KLF12: variants seen among roughly 807,000 people sequenced by gnomAD.
KLF12 encodes KLF transcription factor 12.
In KLF12, 9 loss-of-function variants were observed where a neutral mutation model predicts 37.8. The ratio of observed to expected loss-of-function variants is 0.24; its 90% CI spans 0.14 to 0.42. The LOEUF (loss-of-function observed/expected upper bound fraction) is 0.42, where lower values mean the gene tolerates loss of function less well. Ranked by LOEUF, KLF12 falls within the 10% of genes least tolerant of loss-of-function variation. The pLI is 1.00. For missense variants in KLF12, 411 were observed against 516.0 expected, an observed-to-expected ratio of 0.80 and a Z score of 1.97; for synonymous variants, 208 against 202.1, an observed-to-expected ratio of 1.03 and a Z score of -0.25.
chr13:73,780,542 C>T (rs984007118), intron 5 of KLF12, among the ~76,000 whole-genome samples: 13 of 151,496 alleles, frequency 8.6e-5, no homozygotes, highest in African/African-American at 2.4e-4. Flanking sequence ...TGCAATGGTG[C>T]GATCTTGGCT....
chr13:74,181,090 C>T, the KLF12 span, among the ~76,000 whole-genome samples: 1 of 152,010 alleles, frequency 6.6e-6, no homozygotes, highest in Non-Finnish European at 1.5e-5. Context: ...CCTCCCTCTC[C>T]CAGGTTCAAG....
chr13:73,851,091 G>T (rs9543476), intron 3 of KLF12, among the ~76,000 whole-genome samples: 99,297 of 152,042 alleles, frequency 0.65, 33,583 homozygotes, highest in Non-Finnish European at 0.75. Context: ...CTCATACAAC[G>T]GTTGTGAAGA....
intron 4 of KLF12, among the ~76,000 whole-genome samples, chr13:73,817,631 G>C (rs1313354928): frequency 6.6e-6 from 1 of 152,166 alleles, no homozygotes; most frequent in African/African-American, 2.4e-5. Context: ...ACTTGACGTG[G>C]AAACAGACCG....
At chr13:73,855,939 G>C (rs145718224) in intron 3 of KLF12, among the ~76,000 whole-genome samples, 1 of 152,332 alleles carries the variant, frequency 6.6e-6, no homozygotes, top group East Asian at 1.9e-4. Context: ...TCCAGGTAAA[G>C]GAGTATACAG....
In KLF12 at chr13:73,723,249, G is replaced by A. The variant is rs184401600; in HGVS notation, c.870-7724C>T. ...AGATATAGAGTATCTATTCAAAATA[G>A]CTACTCTGTGGGGAATGTCCTATGC... On this transcript the variant is annotated intron_variant, in intron 6 of 7. Transcript: ENST00000377669. Among the ~76,000 whole-genome samples, 327 of 152,236 alleles carry A rather than the reference G, an allele frequency of 2.1e-3. 1 individual carries two copies. Among genetic ancestry groups the A allele is most frequent in the Non-Finnish European group, 3.5e-3 (236 of 68,022 alleles).
At chr13:74,179,887 T>C in the KLF12 span, among the ~76,000 whole-genome samples, 3 of 152,188 alleles carry the variant, frequency 2.0e-5, no homozygotes, top group Admixed American at 2.0e-4. Context: ...TTTTGAATGA[T>C]TACATAATTA....
chr13:74,069,988 C>G (rs1874136278), intron 1 of KLF12, among the ~76,000 whole-genome samples: 1 of 152,134 alleles, frequency 6.6e-6, no homozygotes. Context: ...CTGGCCCTCA[C>G]CAGCTAGTGC....
chr13:74,234,501 C>A, the KLF12 span, among the ~76,000 whole-genome samples: 6 of 152,334 alleles, frequency 3.9e-5, no homozygotes, highest in Admixed American at 3.9e-4. Context: ...CTGTATGACA[C>A]ACTGTACCTG....
At chr13:73,963,538 A>T (rs1250386546) in intron 2 of KLF12, among the ~76,000 whole-genome samples, 1 of 152,204 alleles carries the variant, frequency 6.6e-6, no homozygotes, top group Non-Finnish European at 1.5e-5. Context: ...TACTTCCAAC[A>T]ATTAGGACAA....
At chr13:73,709,849 C>G (rs1182097567) in intron 7 of KLF12, among the ~76,000 whole-genome samples, 1 of 152,068 alleles carries the variant, frequency 6.6e-6, no homozygotes, top group Non-Finnish European at 1.5e-5. Flanking sequence ...GAATGGAGGC[C>G]TCTCGGATCA....
At chr13:73,761,015 A>C (rs1879513249) in intron 6 of KLF12, among the ~76,000 whole-genome samples, 2 of 152,128 alleles carry the variant, frequency 1.3e-5, no homozygotes, top group Non-Finnish European at 1.5e-5. Context: ...GACACACCAA[A>C]ATGTAGCTTA....
At chr13:74,080,019 C>G (rs9573348) in intron 1 of KLF12, among the ~76,000 whole-genome samples, 62,989 of 152,114 alleles carry the variant, frequency 0.41, 14,158 homozygotes, top group East Asian at 0.81. Context: ...TAGACACATA[C>G]TATGTACTAT....
At chr13:74,173,997 A>G in the KLF12 span, among the ~76,000 whole-genome samples, 1 of 152,184 alleles carries the variant, frequency 6.6e-6, no homozygotes, top group South Asian at 2.1e-4. Flanking sequence ...CCATGGGCTA[A>G]TAACACAGCC....
chr13:74,074,213 A>C (rs1874436242), intron 1 of KLF12, among the ~76,000 whole-genome samples: 1 of 152,132 alleles, frequency 6.6e-6, no homozygotes, highest in African/African-American at 2.4e-5. Context: ...GCTACTCTGA[A>C]GCACTCTTTT....
chr13:74,137,391 T>G (rs1878592410), upstream of KLF12, among the ~76,000 whole-genome samples: 2 of 152,228 alleles, frequency 1.3e-5, no homozygotes, highest in Non-Finnish European at 2.9e-5. Flanking sequence ...TGATAAAGAA[T>G]GATAACCCAT....
intron 5 of KLF12, among the ~76,000 whole-genome samples, chr13:73,811,551 TCCA>T (rs1882943127): frequency 6.6e-6 from 1 of 152,180 alleles, no homozygotes; most frequent in African/African-American, 2.4e-5. Flanking sequence ...TAATACTAAT[TCCA>T]CCAATAATTG....
the KLF12 span, among the ~76,000 whole-genome samples, chr13:74,148,403 C>CTTTTTTTTTTTTTTTTT: frequency 2.7e-5 from 2 of 73,484 alleles, no homozygotes; most frequent in African/African-American, 1.1e-4. Flanking sequence ...CAAAACTGCT[C>CTTTTTTTTTTTTTTTTT]TTTTTTTTTT....
At chr13:73,951,777 C>T (rs544196623) in intron 2 of KLF12, among the ~76,000 whole-genome samples, 1 of 152,332 alleles carries the variant, frequency 6.6e-6, no homozygotes, top group East Asian at 1.9e-4. Flanking sequence ...CAAAAATGCT[C>T]CTCCCTCCAG....
chr13:74,108,687 C>G (rs1226191207), intron 1 of KLF12, among the ~76,000 whole-genome samples: 1 of 152,032 alleles, frequency 6.6e-6, no homozygotes, highest in Non-Finnish European at 1.5e-5. Context: ...ACACTATATT[C>G]TTATAATAAA....
Sources: allele counts gnomAD v4.1 joint callset (sites outside exome capture counted in the v4.1 genomes callset), GRCh38; gene constraint gnomAD v4.1.1; transcripts MANE v1.5; gene names NCBI Gene and HGNC (gene_info 2026-07-23, HGNC 2026-07-21).